COQ5: variants seen among roughly 807,000 people sequenced by gnomAD.
COQ5 encodes coenzyme Q5, methyltransferase.
A neutral mutation model predicts 40.5 loss-of-function variants in COQ5; 27 were observed. The ratio of observed to expected loss-of-function variants is 0.67; its 90% CI spans 0.49 to 0.92. The LOEUF is 0.92. COQ5 is among the 40% of genes least tolerant of loss of function. COQ5 has a pLI of 0.00. For synonymous variants in COQ5, 141 were observed against 150.0 expected, an observed-to-expected ratio of 0.94 and a Z score of 0.44; for missense variants, 409 against 406.4, an observed-to-expected ratio of 1.01 and a Z score of -0.06.
rs368174820 is a variant in COQ5 at position 120,525,840 on chromosome 12, G to T, written c.202+3100C>A. Among the ~76,000 whole-genome samples, 17 of 152,224 alleles carry T rather than the reference G, an allele frequency of 1.1e-4. No individual in the cohort carries two copies. In the East Asian group the frequency reaches 3.3e-3, roughly 29 times the overall value. ...CTCGGGAGGCTGAGGCAGGAGAATG[G>T]CATGAACCTGGGAGGCGGAGCTTAC... On this transcript the variant is annotated intron_variant, in intron 1 of 6. Coordinates refer to ENST00000288532, the MANE Select transcript of COQ5 (RefSeq NM_032314.4).
chr12:120,505,355 C>T (rs953660319), intron 4 of COQ5, among the ~76,000 whole-genome samples: 6 of 151,908 alleles, frequency 3.9e-5, no homozygotes, highest in East Asian at 1.9e-4. Flanking sequence ...ATGACATGTA[C>T]GTGGGTTATT....
chr12:120,516,864 C>A (rs1431051290), intron 2 of COQ5, 76 bp from the exon 3 acceptor site: 4 of 1,309,956 alleles, frequency 3.1e-6, no homozygotes, highest in Admixed American at 1.7e-5. Context: ...TTCCTAAAAC[C>A]CAAAGGGGTA....
intron 3 of COQ5, among the ~76,000 whole-genome samples, chr12:120,515,177 G>C (rs886137729): frequency 6.6e-6 from 1 of 151,856 alleles, no homozygotes; most frequent in African/African-American, 2.4e-5. Flanking sequence ...CTGCAGTCTC[G>C]ACCTCCTGGA....
At chr12:120,528,159 G>A (rs2137097258) in intron 1 of COQ5, among the ~76,000 whole-genome samples, 1 of 151,252 alleles carries the variant, frequency 6.6e-6, no homozygotes, top group African/African-American at 2.4e-5. Context: ...CCCATATTGC[G>A]CCATTGCACT....
chr12:120,523,047 G>C (rs1869752122), intron 1 of COQ5: 4 of 453,848 alleles, frequency 8.8e-6, no homozygotes, highest in Non-Finnish European at 1.2e-5. Context: ...AAAAAAAAGA[G>C]ATTCTTATCG....
chr12:120,522,598 G>A, intron 1 of COQ5: 1 of 643,082 alleles, frequency 1.6e-6, no homozygotes, highest in Non-Finnish European at 2.8e-6. Context: ...CCAGCCCCAT[G>A]CAGATGGCAG....
intron 1 of COQ5, among the ~76,000 whole-genome samples, chr12:120,525,343 C>T (rs148155905): frequency 0.045 from 6,909 of 151,972 alleles, 264 homozygotes; most frequent in South Asian, 0.1. Flanking sequence ...ATGATCTGCC[C>T]ACCTCAGCCT....
chr12:120,508,824 G>C (rs1868999596), intron 4 of COQ5, among the ~76,000 whole-genome samples: 1 of 152,026 alleles, frequency 6.6e-6, no homozygotes, highest in Non-Finnish European at 1.5e-5. Context: ...AAGAGACAGA[G>C]ACCATCCTGG....
intron 2 of COQ5, among the ~76,000 whole-genome samples, chr12:120,519,903 G>A (rs1033526113): frequency 6.6e-6 from 1 of 150,404 alleles, no homozygotes; most frequent in African/African-American, 2.4e-5. Flanking sequence ...TGGGATCCTA[G>A]GCTTATATGC....
At position 120,510,076 on chromosome 12, in the gene COQ5, C is replaced by T; in HGVS notation, c.622G>A (p.Asp208Asn). The T allele has an allele frequency of 6.2e-7, 1 of 1,614,078 alleles. No individual in the cohort carries two copies. The highest frequency in any genetic ancestry group is 1.1e-5 in the South Asian group (1 of 91,080). Residue 208 changes from aspartate (D) to asparagine (N), a missense_variant, in exon 4 of 7, where the codon GAC becomes AAC. Asp to Asn is a conservative substitution (Grantham distance 23, BLOSUM62 1). Coordinates refer to ENST00000288532, the MANE Select transcript of COQ5 (RefSeq NM_032314.4). ...GDAEELPFDD[D>N]KFDIYTIAFG... ...GCAATGGTGTAAATATCAAACTTGT[C>T]ATCATCAAAGGGCAGTTCTTCAGCA...
At chr12:120,519,285 G>A (rs573209989) in intron 2 of COQ5, among the ~76,000 whole-genome samples, 2 of 152,152 alleles carry the variant, frequency 1.3e-5, no homozygotes, top group Non-Finnish European at 2.9e-5. Flanking sequence ...GAGGCCAGGC[G>A]GAGTGGGTCA....
intron 1 of COQ5, chr12:120,526,981 C>G (rs887081398): frequency 3.3e-5 from 5 of 152,198 alleles, no homozygotes; most frequent in Non-Finnish European, 5.9e-5. Flanking sequence ...TCTCAAAGTG[C>G]TGGGATTACA....
intron 2 of COQ5, among the ~76,000 whole-genome samples, chr12:120,517,297 G>A (rs1869421704): frequency 6.6e-6 from 1 of 151,582 alleles, no homozygotes; most frequent in Non-Finnish European, 1.5e-5. Context: ...TGTTGCAGTG[G>A]GCCGAGATAG....
chr12:120,521,089 G>T, intron 2 of COQ5, among the ~76,000 whole-genome samples: 1 of 139,454 alleles, frequency 7.2e-6, no homozygotes. Flanking sequence ...TTTTTGAGAC[G>T]GAATCTTGCT....
chr12:120,525,475 G>A (rs1442769506), intron 1 of COQ5, among the ~76,000 whole-genome samples: 4 of 152,138 alleles, frequency 2.6e-5, no homozygotes, highest in Admixed American at 2.0e-4. Flanking sequence ...CTCCTTGCTG[G>A]CATGGTGGCA....
chr12:120,524,173 T>C (rs1032286394), intron 1 of COQ5, among the ~76,000 whole-genome samples: 1 of 152,074 alleles, frequency 6.6e-6, no homozygotes, highest in Non-Finnish European at 1.5e-5. Flanking sequence ...GTCTTCTCCA[T>C]AGGATCAACA....
At chr12:120,518,364 G>A (rs1277365915) in intron 2 of COQ5, among the ~76,000 whole-genome samples, 1 of 150,366 alleles carries the variant, frequency 6.7e-6, no homozygotes, top group African/African-American at 2.4e-5. Flanking sequence ...GGGGGGTGGA[G>A]GTTGCAGTAA....
At chr12:120,526,425 C>G in intron 1 of COQ5, 1 of 454,782 alleles carries the variant, frequency 2.2e-6, no homozygotes, top group Non-Finnish European at 4.4e-6. Context: ...TCTAGACATA[C>G]AGCCAGAGGA....
chr12:120,527,869 C>T (rs1455155848), intron 1 of COQ5, among the ~76,000 whole-genome samples: 2 of 151,460 alleles, frequency 1.3e-5, no homozygotes, highest in Non-Finnish European at 2.9e-5. Context: ...CCCCTGTAGT[C>T]CCAGCTACTC....
Sources: gnomAD v4.1 joint callset for allele counts (sites outside exome capture counted in the v4.1 genomes callset) on GRCh38, gnomAD v4.1.1 for gene constraint, MANE v1.5 for transcripts, NCBI Gene and HGNC (gene_info 2026-07-23, HGNC 2026-07-21) for gene names.